Variants in CDK5RAP2 observed in about 807,000 individuals in gnomAD.
The protein encoded by CDK5RAP2 is CDK5 regulatory subunit associated protein 2.
A neutral mutation model predicts 232.9 loss-of-function variants in CDK5RAP2; 147 were observed. That is an observed-to-expected ratio of 0.63 (90% CI 0.55 to 0.72). The LOEUF (loss-of-function observed/expected upper bound fraction) is 0.72, where lower values mean the gene tolerates loss of function less well. CDK5RAP2 is among the 30% of genes least tolerant of loss of function. The pLI is 0.00. For missense variants in CDK5RAP2, 2,195 were observed against 2,231.5 expected, an observed-to-expected ratio of 0.98 and a Z score of 0.33; for synonymous variants, 833 against 833.7, an observed-to-expected ratio of 1.00 and a Z score of 0.01.
At chr9:120,504,149 G>A (rs1337605421) in intron 12 of CDK5RAP2, among the ~76,000 whole-genome samples, 1 of 152,136 alleles carries the variant, frequency 6.6e-6, no homozygotes, top group African/African-American at 2.4e-5. Context: ...ATAAAATTAA[G>A]GGTTTGGGGT....
At chr9:120,541,917 A>C (rs1272384184) in intron 5 of CDK5RAP2, among the ~76,000 whole-genome samples, 1 of 152,184 alleles carries the variant, frequency 6.6e-6, no homozygotes, top group Non-Finnish European at 1.5e-5. Flanking sequence ...GGCTGAGAGA[A>C]ACTGGTTTCA....
chr9:120,514,699 G>A (rs1371248198), intron 12 of CDK5RAP2, among the ~76,000 whole-genome samples: 3 of 152,154 alleles, frequency 2.0e-5, no homozygotes, highest in African/African-American at 7.2e-5. Flanking sequence ...GCCAAACTTA[G>A]TTCAAGCTAG....
In CDK5RAP2 at chr9:120,411,447, G is replaced by A. The variant is rs376138280; in HGVS notation, c.4325C>T (p.Ser1442Leu). The stretch of plus-strand genomic sequence containing the variant: ...TGATGTTAGAGAACTATGAAGCTCT[G>A]AACCAGAAGCAAAAATGCTTGTAGA... ...QGSTSIFASG[S>L]ELHSSLTSEI... Residue 1442 changes from serine to leucine, a missense_variant, in exon 29 of 38, where the codon TCA becomes TTA. Ser to Leu is a moderately radical substitution (Grantham distance 145). Transcript: ENST00000349780. 27 of 1,611,302 alleles carry A rather than the reference G, an allele frequency of 1.7e-5. No individual in the cohort carries two copies. The highest frequency in any genetic ancestry group is 1.8e-5 in the Non-Finnish European group (21 of 1,177,748).
chr9:120,396,733 A>G (rs2032500905), intron 35 of CDK5RAP2, among the ~76,000 whole-genome samples: 1 of 152,176 alleles, frequency 6.6e-6, no homozygotes, highest in Non-Finnish European at 1.5e-5. Flanking sequence ...TGGTGGATTA[A>G]TTTTCACTAG....
chr9:120,486,908 C>G (rs931698258), intron 14 of CDK5RAP2, among the ~76,000 whole-genome samples: 1 of 151,996 alleles, frequency 6.6e-6, no homozygotes, highest in Non-Finnish European at 1.5e-5. Context: ...TTGCTGGCGA[C>G]GAAAGAAAAT....
intron 17 of CDK5RAP2, among the ~76,000 whole-genome samples, chr9:120,468,202 G>A (rs2037492321): frequency 6.6e-6 from 1 of 152,198 alleles, no homozygotes; most frequent in Non-Finnish European, 1.5e-5. Flanking sequence ...TAATCCCAGA[G>A]CCATCACTTC....
chr9:120,525,667 G>A (rs2040868003), intron 10 of CDK5RAP2, among the ~76,000 whole-genome samples: 1 of 151,936 alleles, frequency 6.6e-6, no homozygotes, highest in South Asian at 2.1e-4. Flanking sequence ...ACCCAGGCTA[G>A]AGTGCAGTGG....
At chr9:120,420,109 A>T in intron 26 of CDK5RAP2, 149 bp from the exon 27 acceptor site, 1 of 691,704 alleles carries the variant, frequency 1.4e-6, no homozygotes, top group Non-Finnish European at 2.6e-6. Flanking sequence ...CTACAGCATT[A>T]AGCAATGACA....
At chr9:120,468,360 A>G (rs1014135695) in intron 17 of CDK5RAP2, among the ~76,000 whole-genome samples, 7 of 152,208 alleles carry the variant, frequency 4.6e-5, no homozygotes, top group African/African-American at 7.2e-5. Context: ...AGCTAATACT[A>G]TCTCTCTCTT....
chr9:120,430,738 T>G (rs1367494223), intron 25 of CDK5RAP2, among the ~76,000 whole-genome samples: 1 of 151,416 alleles, frequency 6.6e-6, no homozygotes, highest in African/African-American at 2.4e-5. Context: ...GAAATACCAT[T>G]TGACCCAGCC....
chr9:120,472,002 A>G (rs960455837), intron 15 of CDK5RAP2, 124 bp from the exon 16 acceptor site: 1 of 1,260,920 alleles, frequency 7.9e-7, no homozygotes, highest in African/African-American at 1.5e-5. Context: ...AAAAGTATAT[A>G]CAGGTTTACT....
In CDK5RAP2 at chr9:120,453,613, T is replaced by C. The variant is rs199766241; in HGVS notation, c.2636A>G (p.Glu879Gly). The C allele has an allele frequency of 6.2e-5, 100 of 1,614,162 alleles. No homozygotes were observed. In the African/African-American group the frequency reaches 1.2e-3, roughly 19 times the overall value. The change falls in exon 21 of 38, where the codon GAG becomes GGG. Residue 879 changes from glutamate (E) to glycine (G), a missense_variant. Coordinates refer to ENST00000349780, the MANE Select transcript of CDK5RAP2 (RefSeq NM_018249.6). ...ATGCTTGAATCTCAGCAGGTCGCCC[T>C]CCGTGGCCACAGTCTGCACTGAGGC... ...KDASVQTVAT[E>G]GDLLRFKHEA...
chr9:120,568,228 T>A (rs1044398720), intron 3 of CDK5RAP2, 93 bp downstream of exon 3: 9 of 998,782 alleles, frequency 9.0e-6, no homozygotes, highest in Non-Finnish European at 1.5e-5. Context: ...ATCACCGAAC[T>A]TAGATCTCAA....
chr9:120,472,160 G>A (rs978888641), intron 15 of CDK5RAP2, among the ~76,000 whole-genome samples: 2 of 152,124 alleles, frequency 1.3e-5, no homozygotes, highest in African/African-American at 4.8e-5. Context: ...ATACAATGCT[G>A]ATATGCATTC....
At chr9:120,475,178 C>G (rs1393084740) in intron 15 of CDK5RAP2, among the ~76,000 whole-genome samples, 2 of 152,196 alleles carry the variant, frequency 1.3e-5, no homozygotes, top group African/African-American at 4.8e-5. Flanking sequence ...CACAAACACA[C>G]TGAGGCTCAG....
chr9:120,471,322 G>C (rs563001983), intron 16 of CDK5RAP2, among the ~76,000 whole-genome samples: 12 of 152,102 alleles, frequency 7.9e-5, no homozygotes, highest in Non-Finnish European at 1.6e-4. Flanking sequence ...TGCATATACA[G>C]CACTAAAAAC....
At chr9:120,429,887 G>A (rs1270422436) in intron 25 of CDK5RAP2, among the ~76,000 whole-genome samples, 1 of 152,178 alleles carries the variant, frequency 6.6e-6, no homozygotes, top group East Asian at 1.9e-4. Flanking sequence ...AACCAAAACA[G>A]CATGGTACTG....
rs2033186581 is a variant in CDK5RAP2, at chr9:120,403,193, C to T, written c.5042-122G>A. 1 of 967,650 alleles carries T rather than the reference C, an allele frequency of 1.0e-6. No homozygotes were observed. 59.9% of individuals were successfully genotyped at this position (967,650 alleles called of 1,614,324 possible). A position where few individuals can be genotyped will look rare whatever the true frequency, so the allele number is the denominator to read the frequency against. ...GCCCTCGTGCCCAAATGCCACCCAA[C>T]ACAAGCCCAGAGGGGAAAAGAGGCA... On this transcript the variant is annotated intron_variant, in intron 33 of 37. Transcript: ENST00000349780. This position sits in a 1 kb window ranked among gnomAD's most constrained non-coding sequence, Gnocchi z 4.2.
intron 4 of CDK5RAP2, among the ~76,000 whole-genome samples, chr9:120,549,206 A>C (rs1437411846): frequency 6.6e-6 from 1 of 152,186 alleles, no homozygotes. Flanking sequence ...GAAAAATATA[A>C]GGTGCAGAAC....
Sources: gnomAD v4.1 joint callset for allele counts (sites outside exome capture counted in the v4.1 genomes callset) on GRCh38, gnomAD v4.1.1 for gene constraint, Gnocchi (gnomAD v3.1) non-coding constraint, MANE v1.5 for transcripts, NCBI Gene and HGNC (gene_info 2026-07-23, HGNC 2026-07-21) for gene names.